ERC2: variants seen among roughly 807,000 people sequenced by gnomAD.
The protein encoded by ERC2 is ERC protein 2.
Under a neutral mutation model 114.8 loss-of-function variants are expected in ERC2, and 42 were observed. That is an observed-to-expected ratio of 0.37 (90% CI 0.29 to 0.47). The LOEUF (loss-of-function observed/expected upper bound fraction) is 0.47. Ranked by LOEUF, ERC2 falls within the 20% of genes least tolerant of loss-of-function variation. The pLI, the probability that ERC2 is intolerant of heterozygous loss-of-function variation, is 0.99. For synonymous variants in ERC2, 454 were observed against 425.5 expected, an observed-to-expected ratio of 1.07 and a Z score of -0.82; for missense variants, 939 against 1,150.7, an observed-to-expected ratio of 0.82 and a Z score of 2.66.
intron 6 of ERC2, among the ~76,000 whole-genome samples, chr3:56,100,598 C>T (rs2078299957): frequency 1.3e-5 from 2 of 152,142 alleles, no homozygotes; most frequent in South Asian, 4.1e-4. Context: ...GTATTGTTTG[C>T]ACAAATGGGC....
chr3:55,592,378 T>A (rs181926908), intron 17 of ERC2, among the ~76,000 whole-genome samples: 54 of 152,306 alleles, frequency 3.5e-4, no homozygotes, highest in Non-Finnish European at 6.8e-4. Context: ...CCTTTACTGA[T>A]GCTTGTATCT....
intron 3 of ERC2, among the ~76,000 whole-genome samples, chr3:56,269,812 A>T (rs763278969): frequency 7.9e-5 from 12 of 152,190 alleles, no homozygotes; most frequent in Admixed American, 2.6e-4. Flanking sequence ...AATAGTTGTA[A>T]TTTATAAAGA....
intron 4 of ERC2, among the ~76,000 whole-genome samples, chr3:56,152,543 A>G (rs2081477850): frequency 6.6e-6 from 1 of 152,122 alleles, no homozygotes. Context: ...ATGGACCCCC[A>G]TACTCCTGGA....
chr3:56,080,810 T>C lies in ERC2; in HGVS notation c.1641+7A>G. ...CCCCACTTGAAGGTCTTATGTCAGC[T>C]ACTCACCTTTTTCTGAAGAACATTG... On this transcript the variant is annotated splice_region_variant and intron_variant, in intron 7 of 17. Transcript: ENST00000288221. 2 of 1,612,834 alleles carry C rather than the reference T, an allele frequency of 1.2e-6. No individual in the cohort carries two copies. The highest frequency in any genetic ancestry group is 1.7e-6 in the Non-Finnish European group (2 of 1,179,486).
At chr3:55,732,995 C>T (rs931595071) in intron 15 of ERC2, among the ~76,000 whole-genome samples, 1 of 152,112 alleles carries the variant, frequency 6.6e-6, no homozygotes, top group Non-Finnish European at 1.5e-5. Flanking sequence ...GACCTGAGAC[C>T]TTTGGATCAT....
intron 14 of ERC2, among the ~76,000 whole-genome samples, chr3:55,764,674 T>G (rs2067657433): frequency 6.6e-6 from 1 of 152,208 alleles, no homozygotes; most frequent in African/African-American, 2.4e-5. Context: ...TTCTGATAGT[T>G]TTCTATGCAT....
chr3:56,203,376 G>A (rs2048515723), intron 3 of ERC2, among the ~76,000 whole-genome samples: 1 of 152,140 alleles, frequency 6.6e-6, no homozygotes, highest in Non-Finnish European at 1.5e-5. Flanking sequence ...TGGCTTAAAA[G>A]GGGTACAATT....
At chr3:56,373,334 G>T (rs1386765044) in intron 2 of ERC2, among the ~76,000 whole-genome samples, 4 of 152,164 alleles carry the variant, frequency 2.6e-5, no homozygotes, top group East Asian at 1.9e-4. Flanking sequence ...GAAGAAGTAG[G>T]TTCAGTAACT....
chr3:56,178,961 G>A (rs763864513), intron 3 of ERC2, among the ~76,000 whole-genome samples: 3 of 151,786 alleles, frequency 2.0e-5, no homozygotes, highest in Non-Finnish European at 2.9e-5. Flanking sequence ...TAAAGCAGGG[G>A]TGTCCAATCT....
At chr3:56,424,586 A>AAACC (rs2061498870) in intron 2 of ERC2, among the ~76,000 whole-genome samples, 1 of 152,218 alleles carries the variant, frequency 6.6e-6, no homozygotes, top group Admixed American at 6.5e-5. Flanking sequence ...GCAAACAAAG[A>AAACC]AACCAGCTCT....
intron 7 of ERC2, among the ~76,000 whole-genome samples, chr3:56,041,179 T>A (rs1376920237): frequency 6.6e-6 from 1 of 152,194 alleles, no homozygotes; most frequent in Non-Finnish European, 1.5e-5. Flanking sequence ...TTGGACATTT[T>A]AGATATATGT....
intron 17 of ERC2, among the ~76,000 whole-genome samples, chr3:55,665,775 T>C (rs2061334654): frequency 6.6e-6 from 1 of 152,198 alleles, no homozygotes. Flanking sequence ...GTGCTAATGC[T>C]GATGAGAGTT....
intron 6 of ERC2, among the ~76,000 whole-genome samples, chr3:56,091,226 T>G (rs987645289): frequency 6.6e-5 from 10 of 151,974 alleles, no homozygotes; most frequent in Admixed American, 6.6e-4. Flanking sequence ...AGGGGGCACG[T>G]GGCTGTGTTT....
chr3:56,349,275 A>T (rs962312550), intron 2 of ERC2, among the ~76,000 whole-genome samples: 1 of 152,182 alleles, frequency 6.6e-6, no homozygotes, highest in Non-Finnish European at 1.5e-5. Context: ...CCCTCTGCTC[A>T]TCTCACGAAC....
intron 2 of ERC2, among the ~76,000 whole-genome samples, chr3:56,377,259 C>T (rs572136726): frequency 5.9e-5 from 9 of 152,098 alleles, no homozygotes; most frequent in Non-Finnish European, 8.8e-5. Context: ...AAAACATAAA[C>T]AATCTTCTAC....
At chr3:55,657,936 T>G (rs919697265) in intron 17 of ERC2, 2 of 152,228 alleles carry the variant, frequency 1.3e-5, no homozygotes, top group Admixed American at 6.5e-5. Context: ...TGGCTGTGAT[T>G]GTAGCACACC....
intron 6 of ERC2, among the ~76,000 whole-genome samples, chr3:56,082,053 A>G (rs958917638): frequency 1.3e-5 from 2 of 151,886 alleles, no homozygotes; most frequent in Non-Finnish European, 2.9e-5. Flanking sequence ...GTTACTCCCA[A>G]AGCATTTACT....
intron 14 of ERC2, among the ~76,000 whole-genome samples, chr3:55,813,229 G>A (rs571234429): frequency 7.2e-5 from 11 of 152,114 alleles, no homozygotes; most frequent in South Asian, 2.1e-4. Flanking sequence ...TTACCTATGC[G>A]TCCAATACAG....
chr3:56,040,654 G>GTATATATACATATATAGATGTATATA (rs2075121789), intron 7 of ERC2, among the ~76,000 whole-genome samples: 1 of 137,860 alleles, frequency 7.3e-6, no homozygotes, highest in Non-Finnish European at 1.6e-5. Flanking sequence ...AGATGTATAT[G>GTATATATACATATATAGATGTATATA]TATATATACA....
Sources: allele counts gnomAD v4.1 joint callset (sites outside exome capture counted in the v4.1 genomes callset), GRCh38; gene constraint gnomAD v4.1.1; transcripts MANE v1.5; gene names NCBI Gene and HGNC (gene_info 2026-07-23, HGNC 2026-07-21).